The following TAFA1 variants were observed in gnomAD, a reference collection of about 807,000 sequenced individuals.
The protein encoded by TAFA1 is chemokine-like protein TAFA-1.
In TAFA1, 4 loss-of-function variants were observed where a neutral mutation model predicts 18.5. The ratio of observed to expected loss-of-function variants is 0.22; its 90% CI spans 0.11 to 0.49. The LOEUF (loss-of-function observed/expected upper bound fraction) is 0.49, where lower values mean the gene tolerates loss of function less well. Ranked by LOEUF, TAFA1 falls within the 20% of genes least tolerant of loss-of-function variation. TAFA1 has a pLI of 0.98. For missense variants in TAFA1, 147 were observed against 169.0 expected (o/e 0.87, Z 0.72); for synonymous variants, 56 against 55.2 (o/e 1.01, Z -0.06).
chr3:68,538,382 G>A (rs769746663), intron 3 of TAFA1, among the ~76,000 whole-genome samples: 1 of 151,996 alleles, frequency 6.6e-6, no homozygotes, highest in African/African-American at 2.4e-5. Context: ...TATTATCCTT[G>A]CTTTAAGTTT....
chr3:68,133,630 T>C (rs2065570092), intron 2 of TAFA1, among the ~76,000 whole-genome samples: 1 of 152,182 alleles, frequency 6.6e-6, no homozygotes, highest in African/African-American at 2.4e-5. Flanking sequence ...TTTTTAGCAA[T>C]TGTGAATGGG....
chr3:68,091,191 A>C (rs201481743), intron 2 of TAFA1, among the ~76,000 whole-genome samples: 1 of 152,218 alleles, frequency 6.6e-6, no homozygotes, highest in East Asian at 1.9e-4. Flanking sequence ...GGACACCTAC[A>C]GACTTCTCTC....
intron 3 of TAFA1, among the ~76,000 whole-genome samples, chr3:68,526,506 T>C (rs2106763253): frequency 6.6e-6 from 1 of 152,260 alleles, no homozygotes; most frequent in Non-Finnish European, 1.5e-5. Flanking sequence ...TGAGATCAAC[T>C]GCACAGTGGA....
intron 3 of TAFA1, among the ~76,000 whole-genome samples, chr3:68,510,430 G>A (rs562905632): frequency 1.3e-5 from 2 of 152,136 alleles, no homozygotes; most frequent in East Asian, 1.9e-4. Context: ...TGAACTACAG[G>A]AAGCACAATG....
intron 2 of TAFA1, among the ~76,000 whole-genome samples, chr3:68,271,051 C>T (rs1046733561): frequency 6.6e-6 from 1 of 152,108 alleles, no homozygotes; most frequent in Admixed American, 6.6e-5. Flanking sequence ...GGTTAACTAA[C>T]TGAAGTTTGC....
At chr3:68,071,763 C>G (rs149796418) in intron 2 of TAFA1, among the ~76,000 whole-genome samples, 1,930 of 152,200 alleles carry the variant, frequency 0.013, 24 homozygotes, top group South Asian at 0.041. Flanking sequence ...GTGATGGCAA[C>G]TGCTCGGCTT....
At chr3:68,191,180 T>C (rs1235564944) in intron 2 of TAFA1, among the ~76,000 whole-genome samples, 1 of 151,906 alleles carries the variant, frequency 6.6e-6, no homozygotes, top group Non-Finnish European at 1.5e-5. Context: ...TCTTTCCATT[T>C]TTAAATTCTG....
chr3:68,200,558 G>A (rs2066458869), intron 2 of TAFA1, among the ~76,000 whole-genome samples: 1 of 151,498 alleles, frequency 6.6e-6, no homozygotes, highest in Non-Finnish European at 1.5e-5. Context: ...TGCAAGTTTT[G>A]GCAGAGTGTG....
chr3:68,154,379 C>T (rs186849222), intron 2 of TAFA1, among the ~76,000 whole-genome samples: 84 of 152,252 alleles, frequency 5.5e-4, no homozygotes, highest in Middle Eastern at 3.4e-3. Context: ...ATGTAATTTC[C>T]CAGTGTACCT....
intron 2 of TAFA1, among the ~76,000 whole-genome samples, chr3:68,177,276 TG>T (rs1364712146): frequency 1.3e-5 from 2 of 152,168 alleles, no homozygotes; most frequent in Non-Finnish European, 2.9e-5. Context: ...GATATTTAAT[TG>T]GTAAATCAAC....
At chr3:68,272,655 G>A (rs1174028441) in intron 2 of TAFA1, among the ~76,000 whole-genome samples, 2 of 152,098 alleles carry the variant, frequency 1.3e-5, no homozygotes, top group African/African-American at 2.4e-5. Flanking sequence ...CTGCCTGGGC[G>A]TAGTTTCCTC....
At chr3:68,120,209 CTTTCTTTCTTTCTTTCTTT>C in intron 2 of TAFA1, among the ~76,000 whole-genome samples, 1 of 115,888 alleles carries the variant, frequency 8.6e-6, no homozygotes, top group South Asian at 3.3e-4. Context: ...TTCTTTCTTT[CTTTCTTTCTTTCTTTCTTT>C]CTTTCTTTCT....
At chr3:68,470,372 C>A (rs966979729) in intron 3 of TAFA1, among the ~76,000 whole-genome samples, 8 of 152,030 alleles carry the variant, frequency 5.3e-5, no homozygotes, top group Non-Finnish European at 8.8e-5. Flanking sequence ...CTAAAGATAC[C>A]CCAAAATGTG....
At chr3:68,114,262 A>T (rs995854103) in intron 2 of TAFA1, among the ~76,000 whole-genome samples, 2 of 152,050 alleles carry the variant, frequency 1.3e-5, no homozygotes, top group East Asian at 3.9e-4. Context: ...GCCGTCCTAG[A>T]CCATCCAGCC....
intron 2 of TAFA1, among the ~76,000 whole-genome samples, chr3:68,185,149 C>T (rs186135879): frequency 8.1e-4 from 123 of 151,394 alleles, no homozygotes; most frequent in Non-Finnish European, 7.9e-4. Flanking sequence ...GGAACCAGTC[C>T]GCATGGGAGA....
intron 2 of TAFA1, among the ~76,000 whole-genome samples, chr3:68,216,721 T>G (rs1056930161): frequency 3.3e-5 from 5 of 152,034 alleles, no homozygotes; most frequent in Non-Finnish European, 5.9e-5. Context: ...CTGGAGCATC[T>G]TGTAGTACCA....
chr3:68,469,534 G>A (rs557284204), intron 3 of TAFA1, among the ~76,000 whole-genome samples: 13 of 152,194 alleles, frequency 8.5e-5, no homozygotes, highest in Middle Eastern at 3.4e-3. Context: ...TTAGCTGGGC[G>A]TGGTGGCGGG....
At chr3:68,147,080 G>A (rs1033052065) in intron 2 of TAFA1, among the ~76,000 whole-genome samples, 3 of 150,698 alleles carry the variant, frequency 2.0e-5, no homozygotes, top group African/African-American at 7.3e-5. Context: ...TGATGTGTTG[G>A]CATCTTAAAA....
chr3:68,519,806 C>T (rs1269522105), intron 3 of TAFA1, among the ~76,000 whole-genome samples: 2 of 152,122 alleles, frequency 1.3e-5, no homozygotes, highest in Non-Finnish European at 2.9e-5. Flanking sequence ...ACTTTCATGA[C>T]CGAATTACCT....
Sources: allele counts gnomAD v4.1 joint callset (sites outside exome capture counted in the v4.1 genomes callset), GRCh38; gene constraint gnomAD v4.1.1; transcripts MANE v1.5; gene names NCBI Gene and HGNC (gene_info 2026-07-23, HGNC 2026-07-21).